PARP1: variants seen among roughly 807,000 people sequenced by gnomAD.
PARP1 encodes the protein poly [ADP-ribose] polymerase 1.
In PARP1, 44 loss-of-function variants were observed where a neutral mutation model predicts 118.7. The ratio of observed to expected loss-of-function variants is 0.37; its 90% CI spans 0.29 to 0.48. The LOEUF (loss-of-function observed/expected upper bound fraction) is 0.48. PARP1 is among the 20% of genes least tolerant of loss of function. PARP1 has a pLI of 0.99. For missense variants in PARP1, 1,100 were observed against 1,272.4 expected, an observed-to-expected ratio of 0.86 and a Z score of 2.06; for synonymous variants, 492 against 483.2, an observed-to-expected ratio of 1.02 and a Z score of -0.24.
chr1:226,368,371 G>GC (rs1376169063), intron 15 of PARP1, 50 bp from the exon 16 acceptor site: 2 of 1,613,012 alleles, frequency 1.2e-6, no homozygotes, highest in South Asian at 2.2e-5. Flanking sequence ...GCAGCTCCAA[G>GC]CCCCCGGCCA....
Position 226,407,833 on chromosome 1 carries a change from G to A in PARP1, c.97C>T (p.Leu33Phe), listed in dbSNP as rs767731025. The change falls in exon 1 of 23, where the codon CTC (leucine) becomes TTC (phenylalanine). Residue 33 changes from leucine to phenylalanine, a missense_variant. Transcript: ENST00000366794. ...KCSESIPKDS[L>F]RMAIMVQSPM... ...ACCTGCACCATGATGGCCATCCGGA[G>A]CGAGTCCTTGGGGATGCTCTCGCTG... is the stretch of plus-strand genomic sequence containing the variant. The A allele has an allele frequency of 1.9e-6, 3 of 1,588,272 alleles. No individual in the cohort carries two copies. Among genetic ancestry groups the A allele is most frequent in the South Asian group, 1.1e-5 (1 of 88,294 alleles).
At chr1:226,366,746 C>A (rs1312742534) in intron 17 of PARP1, 1 of 158,182 alleles carries the variant, frequency 6.3e-6, no homozygotes, top group Non-Finnish European at 1.4e-5. Flanking sequence ...TGGTGTCTTA[C>A]CCTGCTTGGA....
Position 226,385,498 on chromosome 1 carries a change from C to T in PARP1, c.1011+6G>A, listed in dbSNP as rs960180773. 6.2e-7 allele frequency: 1 copy of T among 1,613,742 alleles called. No homozygotes were observed. The highest frequency in any genetic ancestry group is 8.5e-7 in the Non-Finnish European group (1 of 1,179,764). On this transcript the variant is annotated splice_donor_region_variant and intron_variant, in intron 7 of 22. Transcript: ENST00000366794. ...ACAGATCCCAGGATCTTCCCCTACCCCTTACCTTTGGGGTTACCCACTCCT... is the reference window on the plus strand; with the variant it reads ...ACAGATCCCAGGATCTTCCCCTACCTCTTACCTTTGGGGTTACCCACTCCT...
At position 226,388,763 on chromosome 1, in the gene PARP1, A is replaced by G; in HGVS notation, c.618-8T>C. On this transcript the variant is annotated splice_region_variant and splice_polypyrimidine_tract_variant and intron_variant, in intron 4 of 22. Transcript: ENST00000366794. ...TCATCGCCTTTTCTCTTTCTGAAGG[A>G]GACACAGGATATGAGAGACAGCCAG... 1.2e-6 allele frequency: 2 copies of G among 1,606,536 alleles called. No individual in the cohort carries two copies. The highest frequency in any genetic ancestry group is 1.7e-6 in the Non-Finnish European group (2 of 1,173,236).
chr1:226,376,179 G>T (rs940756243), intron 13 of PARP1, among the ~76,000 whole-genome samples: 14 of 152,150 alleles, frequency 9.2e-5, no homozygotes, highest in African/African-American at 3.4e-4. Context: ...AGGCCTCAAA[G>T]ATTTAGAATT....
chr1:226,389,175 C>G (rs1664777751), intron 4 of PARP1, among the ~76,000 whole-genome samples: 1 of 152,090 alleles, frequency 6.6e-6, no homozygotes, highest in Non-Finnish European at 1.5e-5. Flanking sequence ...TGCAGAAAGA[C>G]AAAGCACAAG....
In PARP1 at chr1:226,402,461, C is replaced by CCCCAGT. The variant is rs1421130149; in HGVS notation, c.121-88_121-83dup. On this transcript the variant is annotated intron_variant, in intron 1 of 22. Transcript: ENST00000366794. ...CACTAGACCTTGACCTTGACCTCGACCCCAGTCCCAGCCCCAGCAGTGGGA... is the reference window on the plus strand; with the variant it reads ...CACTAGACCTTGACCTTGACCTCGACCCCAGTCCCAGTCCCAGCCCCAGCAGTGGGA... 3.7e-6 allele frequency: 5 copies of CCCCAGT among 1,343,458 alleles called. No homozygotes were observed. The African/African-American group carries it at 7.2e-5, about 19-fold the overall frequency. The allele number at this position is 1,343,458 out of a possible 1,614,324, so 83.2% of individuals were successfully genotyped here.
At chr1:226,394,729 C>T (rs1032320539) in intron 2 of PARP1, among the ~76,000 whole-genome samples, 5 of 152,004 alleles carry the variant, frequency 3.3e-5, no homozygotes, top group African/African-American at 7.3e-5. Flanking sequence ...AGGCTGTGAT[C>T]GTTCCACTGC....
At chr1:226,368,882 C>T (rs1342665978) in intron 15 of PARP1, among the ~76,000 whole-genome samples, 1 of 152,166 alleles carries the variant, frequency 6.6e-6, no homozygotes, top group Non-Finnish European at 1.5e-5. Context: ...GCAAAGGGTG[C>T]ACAAAAAATG....
At position 226,390,506 on chromosome 1, in the gene PARP1, G is replaced by C. The variant is rs1167211720; in HGVS notation, c.521C>G (p.Pro174Arg). 6.2e-7 allele frequency: 1 copy of C among 1,614,008 alleles called. No individual in the cohort carries two copies. The highest frequency in any genetic ancestry group is 1.3e-5 in the African/African-American group (1 of 74,880). ...VKNREELGFRPEYSASQLKGF... is the reference protein window; with the variant it reads ...VKNREELGFRREYSASQLKGF... ...CTTGAGCTGACTCGCACTGTACTCG[G>C]GCCGGAAACCCAGCTCCTCCCTGTT... is the stretch of plus-strand genomic sequence containing the variant. Residue 174 changes from proline (P) to arginine (R), a missense_variant, in exon 4 of 23, where the codon CCC becomes CGC. This residue lies in a region of PARP1 where 948 missense variants were observed against 1,031.8 expected (regional missense o/e 0.92). Transcript: ENST00000366794.
rs11541664 is a variant in PARP1, at chr1:226,365,015, G to C, written c.2645C>G (p.Pro882Arg). ...ILSQGLRIAP[P>R]EAPVTGYMFG... ...CCAGGCACATACCACGGGCGCTTCA[G>C]GCGGGGCTATCCGAAGACCCTGGGA... is the stretch of plus-strand genomic sequence containing the variant. The change falls in exon 19 of 23, where the codon CCT becomes CGT. Residue 882 changes from proline (P) to arginine (R), a missense_variant. Pro to Arg is a moderately radical substitution (Grantham distance 103, BLOSUM62 -2). This residue lies in a region of PARP1 where 152 missense variants were observed against 240.6 expected (regional missense o/e 0.63). Coordinates refer to ENST00000366794, the MANE Select transcript of PARP1 (RefSeq NM_001618.4). 6.2e-7 allele frequency: 1 copy of C among 1,614,012 alleles called. No individual in the cohort carries two copies. Among genetic ancestry groups the C allele is most frequent in the South Asian group, 1.1e-5 (1 of 91,078 alleles).
chr1:226,370,547 G>C (rs925685191), intron 14 of PARP1, 30 bp from the exon 15 acceptor site: 28 of 1,558,864 alleles, frequency 1.8e-5, no homozygotes, highest in Non-Finnish European at 2.3e-5. Context: ...CGCTCTGAAA[G>C]CTGGGCACTG....
intron 2 of PARP1, among the ~76,000 whole-genome samples, chr1:226,400,874 T>A (rs1341510170): frequency 6.6e-6 from 1 of 152,234 alleles, no homozygotes; most frequent in Non-Finnish European, 1.5e-5. Context: ...TGAAGCTTAG[T>A]GGCAAAGGAC....
chr1:226,392,062 T>C (rs879229875), intron 3 of PARP1, 137 bp downstream of exon 3: 10 of 739,314 alleles, frequency 1.4e-5, no homozygotes, highest in South Asian at 9.9e-5. Flanking sequence ...TCAATACTAA[T>C]GTCTTCACTT....
At chr1:226,389,722 G>C (rs896413678) in intron 4 of PARP1, among the ~76,000 whole-genome samples, 12 of 152,166 alleles carry the variant, frequency 7.9e-5, no homozygotes, top group African/African-American at 2.7e-4. Flanking sequence ...GTTATGAACT[G>C]AGATAATGTG....
chr1:226,407,188 A>G (rs941618785), intron 1 of PARP1, among the ~76,000 whole-genome samples: 1 of 152,172 alleles, frequency 6.6e-6, no homozygotes, highest in Non-Finnish European at 1.5e-5. Flanking sequence ...CTGCAAATGC[A>G]CCAAGAGAAC....
intron 1 of PARP1, among the ~76,000 whole-genome samples, chr1:226,406,816 A>C (rs1665157002): frequency 1.3e-5 from 2 of 152,166 alleles, no homozygotes. Context: ...TTGGGTATCC[A>C]CTCGGTAAAT....
intron 3 of PARP1, among the ~76,000 whole-genome samples, chr1:226,391,133 A>G (rs1664813301): frequency 6.6e-6 from 1 of 150,958 alleles, no homozygotes; most frequent in Non-Finnish European, 1.5e-5. Flanking sequence ...TTGCCTGGCT[A>G]ATTTTTTTGC....
chr1:226,381,579 C>T lies in PARP1; in HGVS notation c.1160-371G>A, dbSNP rs375482712. On this transcript the variant is annotated intron_variant, in intron 8 of 22. Transcript: ENST00000366794. ...GAAGAGGGGTAAGGTCACATGAACC[C>T]CCAATTCCTTCTGTTATTCTCCCAA... Among the ~76,000 whole-genome samples, 5 of 152,342 alleles carry T rather than the reference C, an allele frequency of 3.3e-5. No individual in the cohort carries two copies. The East Asian group carries it at 5.8e-4, about 18-fold the overall frequency.
Sources: allele counts gnomAD v4.1 joint callset (sites outside exome capture counted in the v4.1 genomes callset), GRCh38; gene constraint gnomAD v4.1.1; regional missense constraint gnomAD v4.1.1; transcripts MANE v1.5; gene names NCBI Gene and HGNC (gene_info 2026-07-23, HGNC 2026-07-21).